The following MOB3B variants were observed in gnomAD, a reference collection of about 807,000 sequenced individuals.
MOB3B encodes MOB kinase activator 3B.
A neutral mutation model predicts 18.7 loss-of-function variants in MOB3B; 7 were observed. That is an observed-to-expected ratio of 0.37 (90% confidence interval 0.21 to 0.70). MOB3B has a LOEUF of 0.70. Among genes scored for constraint, MOB3B ranks in the 30% least tolerant of loss-of-function variants. The probability of loss-of-function intolerance (pLI) is 0.52; values close to 1 mark genes in which losing one functional copy is unlikely to be tolerated. For missense variants in MOB3B, 253 were observed against 281.3 expected, an observed-to-expected ratio of 0.90 and a Z score of 0.72; for synonymous variants, 111 against 99.9, an observed-to-expected ratio of 1.11 and a Z score of -0.66.
In MOB3B at chr9:27,403,351, C is replaced by T. The variant is rs553711059; in HGVS notation, c.419-44115G>A. Among the ~76,000 whole-genome samples the T allele has an allele frequency of 1.6e-3, 251 of 152,122 alleles. 1 individual carries two copies. The highest frequency in any genetic ancestry group is 5.8e-3 in the African/African-American group (240 of 41,488). On this transcript the variant is annotated intron_variant, in intron 2 of 3. Coordinates refer to ENST00000262244, the MANE Select transcript of MOB3B (RefSeq NM_024761.5). Reference sequence around the variant, plus strand: ...GTATGAAAGGTAGAACATAGTTACACTTAGGAGAAAGTCAGTTACTTTAAA... The same window carrying T: ...GTATGAAAGGTAGAACATAGTTACATTTAGGAGAAAGTCAGTTACTTTAAA...
intron 2 of MOB3B, among the ~76,000 whole-genome samples, chr9:27,435,439 T>G (rs1234191017): frequency 6.6e-6 from 1 of 152,090 alleles, no homozygotes; most frequent in Non-Finnish European, 1.5e-5. Flanking sequence ...GAGAGAAAAA[T>G]TATTTTTTCT....
chr9:27,413,531 C>T lies in MOB3B; in HGVS notation c.418+41602G>A, dbSNP rs182445441. Among the ~76,000 whole-genome samples, 12 of 152,252 alleles carry T rather than the reference C, an allele frequency of 7.9e-5. No homozygotes were observed. The East Asian group carries it at 1.4e-3, about 17-fold the overall frequency. Reference sequence around the variant, plus strand: ...CCCACTGATAAAGCAGTTACATGTACGTGGCTAGATTTGTTTTTAAAACTT... The same window carrying T: ...CCCACTGATAAAGCAGTTACATGTATGTGGCTAGATTTGTTTTTAAAACTT... On this transcript the variant is annotated intron_variant, in intron 2 of 3. Transcript: ENST00000262244.
chr9:27,363,307 G>C (rs909537086), intron 2 of MOB3B, among the ~76,000 whole-genome samples: 1 of 152,052 alleles, frequency 6.6e-6, no homozygotes, highest in Non-Finnish European at 1.5e-5. Context: ...ATGGAGTCTC[G>C]CACTTTCGCC....
At chr9:27,362,959 G>A (rs1170131265) in intron 2 of MOB3B, among the ~76,000 whole-genome samples, 1 of 152,212 alleles carries the variant, frequency 6.6e-6, no homozygotes, top group Non-Finnish European at 1.5e-5. Context: ...GACCTCGGAT[G>A]TCCACCCCTT....
intron 1 of MOB3B, among the ~76,000 whole-genome samples, chr9:27,495,943 G>T (rs1819891792): frequency 6.6e-6 from 1 of 152,168 alleles, no homozygotes; most frequent in Admixed American, 6.5e-5. Flanking sequence ...AGTAAGTACA[G>T]TTCCCAGCAT....
At chr9:27,470,532 T>C (rs1224681822) in intron 1 of MOB3B, among the ~76,000 whole-genome samples, 2 of 152,164 alleles carry the variant, frequency 1.3e-5, no homozygotes, top group Non-Finnish European at 2.9e-5. Context: ...AGGAAGTGAC[T>C]CTTGTCTCTC....
chr9:27,418,594 C>A (rs781561294), intron 2 of MOB3B, among the ~76,000 whole-genome samples: 1 of 152,156 alleles, frequency 6.6e-6, no homozygotes, highest in African/African-American at 2.4e-5. Flanking sequence ...ATATGATCAT[C>A]TCAATAGATG....
intron 2 of MOB3B, among the ~76,000 whole-genome samples, chr9:27,440,561 T>C (rs187893081): frequency 1.0e-3 from 152 of 152,330 alleles, no homozygotes; most frequent in African/African-American, 3.4e-3. Flanking sequence ...GCAAGGTGAA[T>C]AACTGGTGGT....
intron 2 of MOB3B, among the ~76,000 whole-genome samples, chr9:27,395,448 AT>A (rs148114962): frequency 6.7e-6 from 1 of 149,656 alleles, no homozygotes; most frequent in African/African-American, 2.4e-5. Context: ...TAATAAATAG[AT>A]TTTTTAAAAA....
intron 2 of MOB3B, among the ~76,000 whole-genome samples, chr9:27,424,645 G>T (rs1251022682): frequency 2.6e-5 from 4 of 152,198 alleles, no homozygotes; most frequent in Non-Finnish European, 5.9e-5. Context: ...GCCCAATCCA[G>T]TGGGTGCGCA....
rs975037764 is a variant in MOB3B, at chr9:27,454,997, A to G, written c.418+136T>C. 12 of 916,740 alleles carry G rather than the reference A, an allele frequency of 1.3e-5. No homozygotes were observed. In the Admixed American group the frequency reaches 2.4e-4, roughly 18 times the overall value. The allele number at this position is 916,740 out of a possible 1,614,324, so 56.8% of individuals were successfully genotyped here. A position where few individuals can be genotyped will look rare whatever the true frequency, so the allele number is the denominator to read the frequency against. On this transcript the variant is annotated intron_variant, in intron 2 of 3. Coordinates refer to ENST00000262244, the MANE Select transcript of MOB3B (RefSeq NM_024761.5). ...TTTTTTTCATTTCAATGAGGCTCTT[A>G]TATATCACTCACTACAGGTATGTGA...
At chr9:27,357,900 A>T (rs1251094876) in intron 3 of MOB3B, among the ~76,000 whole-genome samples, 1 of 41,482 alleles carries the variant, frequency 2.4e-5, no homozygotes, top group Non-Finnish European at 5.5e-5. Flanking sequence ...AAAAAAAAAA[A>T]AAAAAAAAAA....
intron 2 of MOB3B, among the ~76,000 whole-genome samples, chr9:27,412,024 G>A: frequency 6.6e-6 from 1 of 152,094 alleles, no homozygotes. Context: ...AAAAGAAGAT[G>A]CTTGTTAATT....
chr9:27,418,105 A>AAAAAAAAAAAAAAAAAAAAAAAAT lies in MOB3B; in HGVS notation c.418+37027_418+37028insATTTTTTTTTTTTTTTTTTTTTTT, dbSNP rs1822182776. Among the ~76,000 whole-genome samples, 2 of 149,904 alleles carry AAAAAAAAAAAAAAAAAAAAAAAAT rather than the reference A, an allele frequency of 1.3e-5. 1 individual carries two copies. ...AGACTCCACCTCAAAAAAAAAAAAAAAAAAAAAGTAATACAACCCTCTTAG... is the reference window on the plus strand; with the variant it reads ...AGACTCCACCTCAAAAAAAAAAAAAAAAAAAAAAAAAAAAAAAAAAAAATAAAAAAAGTAATACAACCCTCTTAG... On this transcript the variant is annotated intron_variant, in intron 2 of 3. Transcript: ENST00000262244.
chr9:27,480,360 C>T (rs1327517026), intron 1 of MOB3B, among the ~76,000 whole-genome samples: 2 of 150,428 alleles, frequency 1.3e-5, no homozygotes, highest in African/African-American at 2.5e-5. Context: ...AGTGCAGTGA[C>T]GCGATCTCGG....
At chr9:27,495,223 C>G (rs1260462091) in intron 1 of MOB3B, among the ~76,000 whole-genome samples, 1 of 151,962 alleles carries the variant, frequency 6.6e-6, no homozygotes, top group Non-Finnish European at 1.5e-5. Context: ...CTCAGCTATT[C>G]AGCAGGCTGA....
At chr9:27,377,939 T>C (rs771388773) in intron 2 of MOB3B, among the ~76,000 whole-genome samples, 4 of 152,236 alleles carry the variant, frequency 2.6e-5, no homozygotes, top group African/African-American at 4.8e-5. Flanking sequence ...TGTCTTGCTC[T>C]GCTCTCACAG....
chr9:27,412,218 G>A (rs1285947153), intron 2 of MOB3B, among the ~76,000 whole-genome samples: 2 of 151,702 alleles, frequency 1.3e-5, no homozygotes, highest in Non-Finnish European at 2.9e-5. Context: ...TAAAATCAAG[G>A]AGAGGCAGCC....
chr9:27,485,824 T>A (rs193116946), intron 1 of MOB3B, among the ~76,000 whole-genome samples: 1 of 152,336 alleles, frequency 6.6e-6, no homozygotes, highest in East Asian at 1.9e-4. Flanking sequence ...AAACACTATC[T>A]AATGATGTTA....
Sources: gnomAD v4.1 joint callset for allele counts (sites outside exome capture counted in the v4.1 genomes callset) on GRCh38, gnomAD v4.1.1 for gene constraint, MANE v1.5 for transcripts, NCBI Gene and HGNC (gene_info 2026-07-23, HGNC 2026-07-21) for gene names.